The following SYNPO2 variants were observed in gnomAD, a reference collection of about 807,000 sequenced individuals.
SYNPO2 encodes synaptopodin-2.
SYNPO2 carries 56 observed loss-of-function variants against 85.0 expected under a neutral mutation model. The observed-to-expected ratio is 0.66, with a 90% CI of 0.53 to 0.82. The LOEUF is 0.82. SYNPO2 is among the 40% of genes least tolerant of loss of function. SYNPO2 has a pLI of 0.00. For synonymous variants in SYNPO2, 602 were observed against 591.1 expected (o/e 1.02, Z -0.27); for missense variants, 1,575 against 1,534.2 (o/e 1.03, Z -0.44).
intron 1 of SYNPO2, among the ~76,000 whole-genome samples, chr4:118,935,373 C>A (rs918174954): frequency 6.6e-6 from 1 of 152,204 alleles, no homozygotes; most frequent in Non-Finnish European, 1.5e-5. Context: ...AATCTGTAAT[C>A]ATTAATACTG....
At chr4:118,883,692 A>G (rs969878137) in intron 1 of SYNPO2, among the ~76,000 whole-genome samples, 3 of 149,258 alleles carry the variant, frequency 2.0e-5, no homozygotes, top group African/African-American at 7.4e-5. Context: ...TTTTTTCTTT[A>G]GAAAATAGAT....
chr4:118,940,189 T>A (rs1734259154), intron 1 of SYNPO2, among the ~76,000 whole-genome samples: 1 of 152,076 alleles, frequency 6.6e-6, no homozygotes, highest in African/African-American at 2.4e-5. Context: ...TTTCACCATG[T>A]TGGCCAGGCT....
chr4:119,057,295 A>T, intron 4 of SYNPO2, 106 bp from the exon 5 acceptor site: 1 of 1,163,116 alleles, frequency 8.6e-7, no homozygotes, highest in South Asian at 2.3e-5. Flanking sequence ...TTTTATTTTT[A>T]TTTTTTATTT....
chr4:118,868,796 T>A (rs1406085589), intron 1 of SYNPO2, among the ~76,000 whole-genome samples: 1 of 152,186 alleles, frequency 6.6e-6, no homozygotes, highest in Non-Finnish European at 1.5e-5. Flanking sequence ...GCCAGATTTG[T>A]CAAAGTGCTA....
intron 1 of SYNPO2, among the ~76,000 whole-genome samples, chr4:119,014,279 C>T (rs567463878): frequency 5.3e-5 from 8 of 152,158 alleles, no homozygotes; most frequent in East Asian, 3.9e-4. Flanking sequence ...CTGGGTGTGG[C>T]GGCACATGCC....
intron 1 of SYNPO2, among the ~76,000 whole-genome samples, chr4:118,990,045 A>G (rs906642085): frequency 6.6e-6 from 1 of 152,208 alleles, no homozygotes; most frequent in Admixed American, 6.5e-5. Context: ...GCATAATCCC[A>G]TATGGCAGAG....
chr4:118,890,697 TTCTCTCTC>T (rs796242049), intron 1 of SYNPO2, among the ~76,000 whole-genome samples: 9 of 81,844 alleles, frequency 1.1e-4, no homozygotes, highest in East Asian at 9.8e-4. Context: ...TCTCATCGGT[TTCTCTCTC>T]TCTCTCTCTC....
chr4:119,057,011 A>T (rs1352401002), intron 4 of SYNPO2, among the ~76,000 whole-genome samples: 1 of 152,174 alleles, frequency 6.6e-6, no homozygotes, highest in East Asian at 1.9e-4. Flanking sequence ...TAAGGTTGGG[A>T]TGTGAATTCA....
At chr4:119,047,210 G>A (rs1435855862) in intron 4 of SYNPO2, among the ~76,000 whole-genome samples, 2 of 152,160 alleles carry the variant, frequency 1.3e-5, no homozygotes, top group African/African-American at 4.8e-5. Context: ...ACAGGCATGA[G>A]CCACCATGCC....
chr4:118,879,437 G>A (rs773707470), intron 1 of SYNPO2, among the ~76,000 whole-genome samples: 3 of 152,164 alleles, frequency 2.0e-5, no homozygotes, highest in Non-Finnish European at 4.4e-5. Context: ...CATGAGGATA[G>A]AGCCCTTGTG....
At chr4:118,888,164 A>G (rs1176166576), upstream of SYNPO2, among the ~76,000 whole-genome samples, 1 of 152,226 alleles carries the variant, frequency 6.6e-6, no homozygotes, top group Non-Finnish European at 1.5e-5. Flanking sequence ...ATCAGCAGGT[A>G]GAAAGAAAAC....
At chr4:118,992,439 C>T (rs1001953956) in intron 1 of SYNPO2, among the ~76,000 whole-genome samples, 24 of 152,132 alleles carry the variant, frequency 1.6e-4, no homozygotes, top group African/African-American at 5.1e-4. Context: ...TTTCCAATTT[C>T]GGAAGCACAC....
chr4:119,037,811 A>G (rs980096448), intron 4 of SYNPO2: 1 of 230,488 alleles, frequency 4.3e-6, no homozygotes, highest in African/African-American at 2.3e-5. Flanking sequence ...TGAGCTAGGT[A>G]TGATCATTAT....
intron 1 of SYNPO2, among the ~76,000 whole-genome samples, chr4:118,916,326 C>G (rs543237002): frequency 1.3e-5 from 2 of 151,974 alleles, no homozygotes; most frequent in African/African-American, 4.8e-5. Context: ...GCACGCACCA[C>G]CACACCCAGC....
chr4:118,852,482 G>A (rs148325208), intron 1 of SYNPO2, among the ~76,000 whole-genome samples: 6,276 of 152,236 alleles, frequency 0.041, 200 homozygotes, highest in Non-Finnish European at 0.064. Context: ...ATGCCCATCA[G>A]TGACAGATTG....
chr4:118,855,633 A>T (rs1468044865), intron 1 of SYNPO2, among the ~76,000 whole-genome samples: 1 of 151,546 alleles, frequency 6.6e-6, no homozygotes, highest in African/African-American at 2.4e-5. Flanking sequence ...TAACTTTGTG[A>T]AGCCATACAA....
chr4:119,037,078 CAT>C, intron 4 of SYNPO2: 1 of 1,521,198 alleles, frequency 6.6e-7, no homozygotes, highest in South Asian at 1.3e-5. Flanking sequence ...TCATTCTTGA[CAT>C]GTTTATCTAA....
At chr4:118,907,162 A>T (rs1157145892) in intron 1 of SYNPO2, among the ~76,000 whole-genome samples, 1 of 152,148 alleles carries the variant, frequency 6.6e-6, no homozygotes, top group Non-Finnish European at 1.5e-5. Context: ...ATAACTTTTT[A>T]AAATAATGAA....
chr4:118,964,572 A>G (rs548698048), intron 1 of SYNPO2, among the ~76,000 whole-genome samples: 2 of 152,148 alleles, frequency 1.3e-5, no homozygotes, highest in Admixed American at 6.5e-5. Context: ...GGTTTTATTT[A>G]TTAGGGTGAC....
Sources: gnomAD v4.1 joint callset for allele counts (sites outside exome capture counted in the v4.1 genomes callset) on GRCh38, gnomAD v4.1.1 for gene constraint, MANE v1.5 for transcripts, NCBI Gene and HGNC (gene_info 2026-07-23, HGNC 2026-07-21) for gene names.